GNAZ: variants seen among roughly 807,000 people sequenced by gnomAD.
GNAZ encodes guanine nucleotide-binding protein G(z) subunit alpha.
GNAZ carries 3 observed loss-of-function variants against 25.4 expected under a neutral mutation model. The observed-to-expected ratio is 0.12, with a 90% CI of 0.05 to 0.30. The LOEUF is 0.30. Among genes scored for constraint, GNAZ ranks in the 10% least tolerant of loss-of-function variants. GNAZ has a pLI of 1.00. For synonymous variants in GNAZ, 211 were observed against 205.7 expected (o/e 1.03, Z -0.22); for missense variants, 241 against 501.8 (o/e 0.48, Z 4.97).
chr22:23,096,774 C>G (rs2069137460), intron 2 of GNAZ, among the ~76,000 whole-genome samples: 2 of 152,246 alleles, frequency 1.3e-5, no homozygotes, highest in South Asian at 4.1e-4. Context: ...CAGCAGCCAC[C>G]CCTGCAACCC....
At chr22:23,086,411 A>G (rs932330792) in intron 1 of GNAZ, among the ~76,000 whole-genome samples, 3 of 152,224 alleles carry the variant, frequency 2.0e-5, no homozygotes, top group Admixed American at 6.5e-5. Context: ...TCGGCCCAGC[A>G]GTGGCAGCAG....
rs2070080304 is a variant in GNAZ, at chr22:23,123,210, C to G, written c.847C>G (p.Pro283Ala). 6.2e-7 allele frequency: 1 copy of G among 1,614,124 alleles called. No homozygotes were observed. Among genetic ancestry groups the G allele is most frequent in the Admixed American group, 1.7e-5 (1 of 60,026 alleles). Reference sequence around the variant, plus strand: ...GCTGGCAGAGAAGATCCGCCGCATCCCGCTCACCATCTGCTTTCCCGAGTA... The same window carrying G: ...GCTGGCAGAGAAGATCCGCCGCATCGCGCTCACCATCTGCTTTCCCGAGTA... ...DLLAEKIRRIPLTICFPEYKG... is the reference protein window; with the variant it reads ...DLLAEKIRRIALTICFPEYKG... Residue 283 changes from proline to alanine, a missense_variant, in exon 3 of 3, where the codon CCG becomes GCG. Pro to Ala is a conservative substitution (Grantham distance 27). Transcript: ENST00000615612.
At chr22:23,118,930 C>A (rs996279983) in intron 2 of GNAZ, among the ~76,000 whole-genome samples, 3 of 152,200 alleles carry the variant, frequency 2.0e-5, no homozygotes, top group African/African-American at 7.2e-5. Context: ...CCCAGGGGAG[C>A]CCACAAAGGC....
At chr22:23,100,902 G>A (rs5996465) in intron 2 of GNAZ, among the ~76,000 whole-genome samples, 10,464 of 152,272 alleles carry the variant, frequency 0.069, 388 homozygotes, top group African/African-American at 0.084. Context: ...TGAACACAGC[G>A]TGTTCCTGCC....
intron 2 of GNAZ, among the ~76,000 whole-genome samples, chr22:23,112,410 C>T (rs1159177160): frequency 6.6e-6 from 1 of 152,212 alleles, no homozygotes; most frequent in Non-Finnish European, 1.5e-5. Context: ...GTGGCAATGC[C>T]TTCCACCAGG....
At chr22:23,087,950 C>T (rs551574115) in intron 1 of GNAZ, among the ~76,000 whole-genome samples, 2 of 152,298 alleles carry the variant, frequency 1.3e-5, no homozygotes, top group African/African-American at 2.4e-5. Context: ...TAATGTGAGT[C>T]CTACAAAGGC....
chr22:23,124,320 A>AT lies in GNAZ; in HGVS notation c.*897dup, dbSNP rs1054986338. 33 of 352,236 alleles carry AT rather than the reference A, an allele frequency of 9.4e-5. No individual in the cohort carries two copies. The highest frequency in any genetic ancestry group is 3.0e-4 in the East Asian group (3 of 9,882). The allele number at this position is 352,236 out of a possible 1,614,324, so 21.8% of individuals were successfully genotyped here. On this transcript the variant is annotated 3_prime_UTR_variant, in exon 3 of 3. Transcript: ENST00000615612. ...TTTTAAATGCAGATTTTCAAAACAT[A>AT]TTTTTTTTCAGGTGGTCTTTTTTGT...
intron 1 of GNAZ, among the ~76,000 whole-genome samples, chr22:23,090,288 CT>C (rs1304369218): frequency 6.6e-6 from 1 of 152,126 alleles, no homozygotes; most frequent in Non-Finnish European, 1.5e-5. Context: ...CCCTGATCGT[CT>C]CCCTGTTCCC....
chr22:23,074,653 C>T (rs58946559), intron 1 of GNAZ, among the ~76,000 whole-genome samples: 1,909 of 152,190 alleles, frequency 0.013, 41 homozygotes, highest in African/African-American at 0.043. Flanking sequence ...GAGCTGGGCT[C>T]CTGGGCCTCC....
At chr22:23,103,030 C>T (rs998011702) in intron 2 of GNAZ, among the ~76,000 whole-genome samples, 10 of 152,162 alleles carry the variant, frequency 6.6e-5, no homozygotes, top group African/African-American at 1.4e-4. Flanking sequence ...GAGTTCTCTT[C>T]GGCACCATGC....
chr22:23,084,607 T>A (rs1402940706), intron 1 of GNAZ, among the ~76,000 whole-genome samples: 1 of 152,232 alleles, frequency 6.6e-6, no homozygotes, highest in Non-Finnish European at 1.5e-5. Flanking sequence ...GCACTGGATG[T>A]GAACATATCC....
intron 2 of GNAZ, among the ~76,000 whole-genome samples, chr22:23,116,730 CACA>C (rs2069847999): frequency 6.6e-6 from 1 of 152,234 alleles, no homozygotes; most frequent in Non-Finnish European, 1.5e-5. Context: ...GCGCTTGTCC[CACA>C]CAGCTGCCTT....
chr22:23,098,777 G>A (rs948743114), intron 2 of GNAZ, among the ~76,000 whole-genome samples: 14 of 152,234 alleles, frequency 9.2e-5, no homozygotes, highest in Admixed American at 4.6e-4. Context: ...CCCCTCCCGC[G>A]ATTCCTCCCG....
At position 23,101,120 on chromosome 22, in the gene GNAZ, G is replaced by A. The variant is rs149392827; in HGVS notation, c.723+4702G>A. 7.0e-4 allele frequency among the ~76,000 whole-genome samples: 106 copies of A among 152,302 alleles called. 1 individual carries two copies. The Middle Eastern group carries it at 0.02, about 29-fold the overall frequency. On this transcript the variant is annotated intron_variant, in intron 2 of 2. Transcript: ENST00000615612. ...AAATGGGCAATAGCCAGACACAGAT[G>A]ATACCCTCTCCCCAGCATACCAGGG...
intron 2 of GNAZ, among the ~76,000 whole-genome samples, chr22:23,098,666 C>T (rs796797350): frequency 1.1e-4 from 17 of 152,366 alleles, no homozygotes; most frequent in African/African-American, 3.8e-4. Context: ...GAAACCCAAG[C>T]GAGGCTGGAA....
At chr22:23,105,719 C>T (rs1373955821) in intron 2 of GNAZ, among the ~76,000 whole-genome samples, 1 of 152,242 alleles carries the variant, frequency 6.6e-6, no homozygotes, top group African/African-American at 2.4e-5. Flanking sequence ...ATCTACAACA[C>T]ACCTGTATCA....
chr22:23,112,677 T>C (rs2069687762), intron 2 of GNAZ, among the ~76,000 whole-genome samples: 1 of 152,114 alleles, frequency 6.6e-6, no homozygotes, highest in Admixed American at 6.5e-5. Context: ...GGGGTGGGAA[T>C]GGCAAGTGCT....
intron 1 of GNAZ, among the ~76,000 whole-genome samples, chr22:23,075,708 C>A (rs1392380008): frequency 2.0e-5 from 3 of 152,174 alleles, no homozygotes; most frequent in African/African-American, 7.2e-5. Context: ...AGCCTCCAAC[C>A]AGAAACACAC....
chr22:23,074,804 C>G (rs1187738870), intron 1 of GNAZ, among the ~76,000 whole-genome samples: 1 of 152,126 alleles, frequency 6.6e-6, no homozygotes, highest in African/African-American at 2.4e-5. Context: ...CTGTGTCAAG[C>G]AGGCAGGGCA....
Sources: gnomAD v4.1 joint callset for allele counts (sites outside exome capture counted in the v4.1 genomes callset) on GRCh38, gnomAD v4.1.1 for gene constraint, MANE v1.5 for transcripts, NCBI Gene and HGNC (gene_info 2026-07-23, HGNC 2026-07-21) for gene names.